Variants in CTNNA3 observed in about 807,000 individuals in gnomAD.
The protein encoded by CTNNA3 is catenin alpha 3.
A neutral mutation model predicts 95.7 loss-of-function variants in CTNNA3; 76 were observed. The observed-to-expected ratio is 0.79, with a 90% confidence interval of 0.66 to 0.96. The LOEUF is 0.96. Among genes scored for constraint, CTNNA3 ranks in the 40% least tolerant of loss-of-function variants. The pLI is 0.00. For missense variants in CTNNA3, 1,191 were observed against 1,089.8 expected (o/e 1.09, Z -1.31); for synonymous variants, 431 against 374.4 (o/e 1.15, Z -1.74).
intron 7 of CTNNA3, among the ~76,000 whole-genome samples, chr10:67,052,162 C>T (rs565259756): frequency 6.6e-6 from 1 of 152,284 alleles, no homozygotes; most frequent in South Asian, 2.1e-4. Context: ...TTTTCTTTCC[C>T]TGCTAGGTCC....
chr10:66,914,261 G>C (rs1846371880), intron 7 of CTNNA3, among the ~76,000 whole-genome samples: 1 of 151,472 alleles, frequency 6.6e-6, no homozygotes, highest in Non-Finnish European at 1.5e-5. Context: ...CTCCCCAGTA[G>C]CTGGGACTAC....
chr10:66,785,595 T>C (rs904407435), intron 7 of CTNNA3, among the ~76,000 whole-genome samples: 1 of 152,140 alleles, frequency 6.6e-6, no homozygotes, highest in Non-Finnish European at 1.5e-5. Context: ...ACTAAGCCTT[T>C]GGCCTTGGAC....
At chr10:67,691,117 C>G (rs1455822587) in intron 1 of CTNNA3, among the ~76,000 whole-genome samples, 1 of 152,352 alleles carries the variant, frequency 6.6e-6, no homozygotes, top group Non-Finnish European at 1.5e-5. Flanking sequence ...TGGTCTCCAG[C>G]TCCCAACCAC....
chr10:66,070,706 A>G (rs532947273), intron 14 of CTNNA3, among the ~76,000 whole-genome samples: 1 of 152,276 alleles, frequency 6.6e-6, no homozygotes, highest in African/African-American at 2.4e-5. Context: ...GAAGTTACCT[A>G]ACCCTCCTGT....
chr10:67,754,822 G>A (rs1490669421), intron 1 of CTNNA3, among the ~76,000 whole-genome samples: 6 of 152,110 alleles, frequency 3.9e-5, no homozygotes, highest in African/African-American at 1.4e-4. Context: ...TATATAAGGA[G>A]CTCAAACAAC....
In CTNNA3 at chr10:67,601,884, C is replaced by T. The variant is rs189040108; in HGVS notation, c.292+4973G>A. ...TTCACCGTCTCTCCTTTATACTACCCCTGTTTCACCTTTCATGGGCAGGTT... is the reference window on the plus strand; with the variant it reads ...TTCACCGTCTCTCCTTTATACTACCTCTGTTTCACCTTTCATGGGCAGGTT... On this transcript the variant is annotated intron_variant, in intron 3 of 17. Transcript: ENST00000433211. 2.0e-5 allele frequency among the ~76,000 whole-genome samples: 3 copies of T among 152,240 alleles called. No homozygotes were observed. In the East Asian group the frequency reaches 5.8e-4, roughly 29 times the overall value.
At chr10:66,827,996 T>G (rs1428963470) in intron 7 of CTNNA3, among the ~76,000 whole-genome samples, 1 of 152,186 alleles carries the variant, frequency 6.6e-6, no homozygotes, top group East Asian at 1.9e-4. Flanking sequence ...TTGAAGCCTG[T>G]CATCCTTATA....
At chr10:67,558,500 G>A (rs917230724) in intron 3 of CTNNA3, among the ~76,000 whole-genome samples, 2 of 152,216 alleles carry the variant, frequency 1.3e-5, no homozygotes, top group African/African-American at 4.8e-5. Flanking sequence ...TCTGAATGCG[G>A]CTGGCAGCCA....
intron 13 of CTNNA3, among the ~76,000 whole-genome samples, chr10:66,262,189 C>T (rs1188638654): frequency 3.3e-5 from 5 of 152,018 alleles, no homozygotes; most frequent in African/African-American, 7.2e-5. Context: ...ACTCACTTCA[C>T]TTCTGAAGGC....
intron 6 of CTNNA3, among the ~76,000 whole-genome samples, chr10:67,192,959 TG>T (rs1480388442): frequency 6.6e-6 from 1 of 152,008 alleles, no homozygotes; most frequent in Admixed American, 6.6e-5. Flanking sequence ...TTGCCATTTG[TG>T]GATGAACCTG....
At chr10:67,579,322 C>T (rs577311634) in intron 3 of CTNNA3, among the ~76,000 whole-genome samples, 2 of 150,770 alleles carry the variant, frequency 1.3e-5, no homozygotes, top group African/African-American at 2.4e-5. Flanking sequence ...TCTGTCCTTG[C>T]GATAGTTTGC....
At chr10:67,240,363 C>T (rs768269973) in intron 5 of CTNNA3, among the ~76,000 whole-genome samples, 2 of 152,090 alleles carry the variant, frequency 1.3e-5, no homozygotes, top group African/African-American at 4.8e-5. Flanking sequence ...AACACAAACA[C>T]CTGCTAATTT....
chr10:66,974,411 T>C (rs1406753299), intron 7 of CTNNA3, among the ~76,000 whole-genome samples: 1 of 152,222 alleles, frequency 6.6e-6, no homozygotes, highest in African/African-American at 2.4e-5. Context: ...TTGGTGTTGA[T>C]GGACATTTAG....
chr10:66,031,636 A>G (rs2133458477), intron 15 of CTNNA3, among the ~76,000 whole-genome samples: 1 of 152,286 alleles, frequency 6.6e-6, no homozygotes, highest in East Asian at 1.9e-4. Flanking sequence ...GGGTGATGGG[A>G]TCAGTCATAC....
rs550209576 is a variant in CTNNA3, at chr10:67,656,528, T to C, written c.-5-9010A>G. Among the ~76,000 whole-genome samples the C allele has an allele frequency of 2.6e-5, 4 of 152,208 alleles. No homozygotes were observed. The East Asian group carries it at 5.8e-4, about 22-fold the overall frequency. On this transcript the variant is annotated intron_variant, in intron 1 of 17. Coordinates refer to ENST00000433211, the MANE Select transcript of CTNNA3 (RefSeq NM_013266.4). ...GACCATAAACAATAAAGATAATAAA[T>C]AGTAAATGATTTCGTATATTAGAAA...
intron 16 of CTNNA3, among the ~76,000 whole-genome samples, chr10:65,974,608 G>T (rs1009470880): frequency 6.6e-5 from 10 of 152,182 alleles, no homozygotes; most frequent in Middle Eastern, 3.4e-3. Context: ...AGGGAGGAAG[G>T]GAGTAAAGGC....
chr10:67,566,073 A>ATATATATATATATATATATATAT, intron 3 of CTNNA3, among the ~76,000 whole-genome samples: 2 of 106,174 alleles, frequency 1.9e-5, no homozygotes, highest in African/African-American at 3.5e-5. Flanking sequence ...ATATATATAT[A>ATATATATATATATATATATATAT]CAAAACCTAG....
Position 65,918,497 on chromosome 10 carries a change from A to G in CTNNA3, c.*1833T>C, listed in dbSNP as rs1187887104. On this transcript the variant is annotated 3_prime_UTR_variant, in exon 18 of 18. Coordinates refer to ENST00000433211, the MANE Select transcript of CTNNA3 (RefSeq NM_013266.4). ...GAGCAGAAAATGATGGCAGCATTTC[A>G]ATAAAAGAAAATCTCTATTTGCCTC... is the stretch of plus-strand genomic sequence containing the variant. 6.6e-6 allele frequency: 1 copy of G among 152,206 alleles called. No homozygotes were observed. Among genetic ancestry groups the G allele is most frequent in the African/African-American group, 2.4e-5 (1 of 41,452 alleles). The allele number at this position is 152,206 out of a possible 1,614,324, so 9.4% of individuals were successfully genotyped here.
intron 11 of CTNNA3, among the ~76,000 whole-genome samples, chr10:66,501,360 C>T (rs960988324): frequency 2.5e-4 from 38 of 152,242 alleles, no homozygotes; most frequent in African/African-American, 9.1e-4. Context: ...CACAGAATTA[C>T]TTTGTTGATA....
Sources: gnomAD v4.1 joint callset for allele counts (sites outside exome capture counted in the v4.1 genomes callset) on GRCh38, gnomAD v4.1.1 for gene constraint, MANE v1.5 for transcripts, NCBI Gene and HGNC (gene_info 2026-07-23, HGNC 2026-07-21) for gene names.